The following DLG1 variants were observed in gnomAD, a reference collection of about 807,000 sequenced individuals.
DLG1 encodes the protein discs large MAGUK scaffold protein 1.
Under a neutral mutation model 123.4 loss-of-function variants are expected in DLG1, and 42 were observed. The observed-to-expected ratio is 0.34, with a 90% confidence interval of 0.27 to 0.44. The LOEUF (loss-of-function observed/expected upper bound fraction) is 0.44. Ranked by LOEUF, DLG1 falls within the 20% of genes least tolerant of loss-of-function variation. The probability of loss-of-function intolerance (pLI) is 1.00; values close to 1 mark genes in which losing one functional copy is unlikely to be tolerated. For missense variants in DLG1, 942 were observed against 1,082.6 expected, an observed-to-expected ratio of 0.87 and a Z score of 1.82; for synonymous variants, 317 against 356.2, an observed-to-expected ratio of 0.89 and a Z score of 1.24.
chr3:197,127,915 T>TA (rs11337164), intron 11 of DLG1, among the ~76,000 whole-genome samples: 5 of 150,942 alleles, frequency 3.3e-5, no homozygotes, highest in African/African-American at 4.9e-5. Flanking sequence ...ACTTTATTGC[T>TA]AAAAAAAAAC....
At position 197,211,705 on chromosome 3, in the gene DLG1, C is replaced by T. The variant is rs1357304974; in HGVS notation, c.319-17116G>A. On this transcript the variant is annotated intron_variant, in intron 4 of 24. Transcript: ENST00000667157. ...TGTAGAAAGTAGTATGGTGATTCCTCGAAGAGCTAAAAGCAGAACTACCAT... is the reference window on the plus strand; with the variant it reads ...TGTAGAAAGTAGTATGGTGATTCCTTGAAGAGCTAAAAGCAGAACTACCAT... Among the ~76,000 whole-genome samples, 4 of 146,068 alleles carry T rather than the reference C, an allele frequency of 2.7e-5. 1 individual carries two copies. Among genetic ancestry groups the T allele is most frequent in the African/African-American group, 4.9e-5 (2 of 41,010 alleles).
intron 4 of DLG1, among the ~76,000 whole-genome samples, chr3:197,195,811 C>A (rs140744083): frequency 9.5e-6 from 1 of 105,242 alleles, no homozygotes; most frequent in Non-Finnish European, 2.1e-5. Flanking sequence ...ATCATTCCTA[C>A]GCCAAGCCTC....
intron 2 of DLG1, chr3:197,296,962 G>GC (rs1553843632): frequency 0.17 from 96,887 of 558,558 alleles, 9,651 homozygotes; most frequent in South Asian, 0.34. Flanking sequence ...TTGGGGGGGG[G>GC]CTAACTGCCT....
chr3:197,045,321 A>C (rs1021199082), intron 24 of DLG1, among the ~76,000 whole-genome samples: 1 of 152,226 alleles, frequency 6.6e-6, no homozygotes, highest in Admixed American at 6.5e-5. Flanking sequence ...CTAACAACTA[A>C]TTCTTTGGGA....
chr3:197,238,131 A>G (rs1746974628), intron 4 of DLG1, among the ~76,000 whole-genome samples: 1 of 152,202 alleles, frequency 6.6e-6, no homozygotes, highest in Non-Finnish European at 1.5e-5. Flanking sequence ...ACTAAGCAGT[A>G]AGGAAGCAGT....
At chr3:197,088,350 A>G (rs1468130661) in intron 15 of DLG1, among the ~76,000 whole-genome samples, 1 of 152,206 alleles carries the variant, frequency 6.6e-6, no homozygotes, top group African/African-American at 2.4e-5. Context: ...CATGTCCACA[A>G]AAGAAATGGA....
chr3:197,282,279 G>T (rs1320479705), intron 4 of DLG1, among the ~76,000 whole-genome samples: 1 of 152,238 alleles, frequency 6.6e-6, no homozygotes, highest in South Asian at 2.1e-4. Flanking sequence ...GAGATTCCTT[G>T]AGGTAAATGG....
At chr3:197,280,393 TGATA>T (rs1171001570) in intron 4 of DLG1, among the ~76,000 whole-genome samples, 1 of 151,740 alleles carries the variant, frequency 6.6e-6, no homozygotes, top group African/African-American at 2.4e-5. Context: ...ATTCACCTGT[TGATA>T]GATATTTAGA....
intron 4 of DLG1, among the ~76,000 whole-genome samples, chr3:197,238,841 G>C (rs536482990): frequency 1.4e-4 from 21 of 152,242 alleles, no homozygotes; most frequent in African/African-American, 5.1e-4. Flanking sequence ...GCAGTGCTAA[G>C]GAGTAAATGT....
chr3:197,128,154 C>T (rs760424961), intron 11 of DLG1, among the ~76,000 whole-genome samples: 2 of 152,226 alleles, frequency 1.3e-5, no homozygotes, highest in Non-Finnish European at 2.9e-5. Context: ...ATTTTACCCA[C>T]AGTAGAACTT....
chr3:197,246,871 T>C (rs569888103), intron 4 of DLG1, among the ~76,000 whole-genome samples: 16 of 152,236 alleles, frequency 1.1e-4, no homozygotes, highest in Non-Finnish European at 2.2e-4. Context: ...AAATATTTGG[T>C]CTGCTGCAGG....
rs776216351 is a variant in DLG1 at position 197,065,486 on chromosome 3, A to T, written c.2201-38T>A. The T allele has an allele frequency of 9.1e-6, 12 of 1,316,584 alleles. No homozygotes were observed. In the Admixed American group the frequency reaches 2.3e-4, roughly 25 times the overall value. 81.6% of individuals were successfully genotyped at this position (1,316,584 alleles called of 1,614,324 possible). A position where few individuals can be genotyped will look rare whatever the true frequency, so the allele number is the denominator to read the frequency against. Reference sequence around the variant, plus strand: ...AAAACTTGGGAAAGTGTTTAATATTAAAAAAAAAACCACAATAAATCCATT... The same window carrying T: ...AAAACTTGGGAAAGTGTTTAATATTTAAAAAAAAACCACAATAAATCCATT... On this transcript the variant is annotated intron_variant, in intron 21 of 24. Transcript: ENST00000667157.
chr3:197,270,605 T>A (rs403751), intron 4 of DLG1, among the ~76,000 whole-genome samples: 84,588 of 151,926 alleles, frequency 0.56, 24,085 homozygotes, highest in East Asian at 0.78. Context: ...ATGTAGTGAT[T>A]TGGCAATGAT....
rs190732376 is a variant in DLG1, at chr3:197,149,907, T to C, written c.484-111A>G. ...TGCTATTTCTTAAGTTATAATCTTA[T>C]ATGAGCTTTTTATATGTTAAATAAT... is the stretch of plus-strand genomic sequence containing the variant. On this transcript the variant is annotated intron_variant, in intron 5 of 24. Coordinates refer to ENST00000667157, the MANE Select transcript of DLG1 (RefSeq NM_001366207.1). The C allele has an allele frequency of 3.7e-3, 2,523 of 683,718 alleles. 21 individuals are homozygous for C. The highest frequency in any genetic ancestry group is 7.7e-3 in the South Asian group (429 of 56,076). 42.4% of individuals were successfully genotyped at this position (683,718 alleles called of 1,614,324 possible).
chr3:197,085,852 T>C, intron 15 of DLG1, 96 bp from the exon 16 acceptor site: 1 of 1,153,384 alleles, frequency 8.7e-7, no homozygotes, highest in South Asian at 1.6e-5. Context: ...GGTAATTAAA[T>C]ATATCATAGT....
intron 3 of DLG1, among the ~76,000 whole-genome samples, chr3:197,284,304 T>C (rs1770780025): frequency 6.6e-6 from 1 of 152,046 alleles, no homozygotes; most frequent in Admixed American, 6.6e-5. Context: ...CACACACACA[T>C]ATGTGCTATG....
At chr3:197,116,119 TTA>T in intron 12 of DLG1, 36 bp from the exon 13 acceptor site, 1 of 1,560,284 alleles carries the variant, frequency 6.4e-7, no homozygotes, top group Non-Finnish European at 8.7e-7. Context: ...CTTGGAAATT[TTA>T]TATAAAACCT....
Position 197,296,327 on chromosome 3 carries a change from A to G in DLG1, c.151+19T>C, listed in dbSNP as rs1310442749. ...ATAAAGCCTAGCTGGCATAATAGTT[A>G]CGAAGTTTTAATTCCCACCTATTAA... On this transcript the variant is annotated intron_variant, in intron 3 of 24. Coordinates refer to ENST00000667157, the MANE Select transcript of DLG1 (RefSeq NM_001366207.1). 1 of 1,608,846 alleles carries G rather than the reference A, an allele frequency of 6.2e-7. No individual in the cohort carries two copies.
chr3:197,069,174 G>GT, intron 19 of DLG1, 45 bp downstream of exon 19: 1 of 1,396,532 alleles, frequency 7.2e-7, no homozygotes, highest in Non-Finnish European at 1.0e-6. Flanking sequence ...TGCAGAGGAT[G>GT]TATTACTCGA....
Sources: gnomAD v4.1 joint callset for allele counts (sites outside exome capture counted in the v4.1 genomes callset) on GRCh38, gnomAD v4.1.1 for gene constraint, MANE v1.5 for transcripts, NCBI Gene and HGNC (gene_info 2026-07-23, HGNC 2026-07-21) for gene names.